Variants in FN1 observed in about 807,000 individuals in gnomAD.
FN1 encodes fibronectin 1.
Under a neutral mutation model 297.3 loss-of-function variants are expected in FN1, and 106 were observed. That is an observed-to-expected ratio of 0.36 (90% CI 0.30 to 0.42). The LOEUF (loss-of-function observed/expected upper bound fraction) is 0.42. Among genes scored for constraint, FN1 ranks in the 10% least tolerant of loss-of-function variants. The pLI, the probability that FN1 is intolerant of heterozygous loss-of-function variation, is 1.00. For missense variants in FN1, 2,690 were observed against 3,124.9 expected (o/e 0.86, Z 3.32); for synonymous variants, 1,149 against 1,152.6 (o/e 1.00, Z 0.06).
chr2:215,404,727 G>T, intron 19 of FN1, 72 bp from the exon 20 acceptor site: 2 of 1,375,270 alleles, frequency 1.5e-6, no homozygotes, highest in Non-Finnish European at 2.1e-6. Context: ...CCTGAAACTT[G>T]ATTGAATGTC....
At position 215,397,706 on chromosome 2, in the gene FN1, G is replaced by A. The variant is rs183891852; in HGVS notation, c.3491C>T (p.Ala1164Val). The change falls in exon 22 of 46, where the codon GCG (alanine) becomes GTG (valine). Residue 1164 changes from alanine (A) to valine (V), a missense_variant. By Grantham distance (64) the Ala-to-Val change is moderately conservative. This residue lies in a region of FN1 where 1,743 missense variants were observed against 1,945.2 expected (regional missense o/e 0.90). Transcript: ENST00000354785. ...QVLRDGQERD[A>V]PIVNKVVTPL... ...TGTCACCACTTTGTTTACAATTGGCGCATCTCTTTCCTGTCCATCTCTCAG... is the reference window on the plus strand; with the variant it reads ...TGTCACCACTTTGTTTACAATTGGCACATCTCTTTCCTGTCCATCTCTCAG... The A allele has an allele frequency of 6.6e-5, 106 of 1,613,996 alleles. 1 individual carries two copies. Among genetic ancestry groups the A allele is most frequent in the Non-Finnish European group, 3.9e-5 (46 of 1,179,900 alleles).
chr2:215,409,544 A>G lies in FN1; in HGVS notation c.2299+19T>C. ...CAGCAGCTGCCCTGAACCTGTCTTG[A>G]GCGACATATTGAGCTTACCCAGGTA... On this transcript the variant is annotated intron_variant, in intron 15 of 45. Coordinates refer to ENST00000354785, the MANE Select transcript of FN1 (RefSeq NM_212482.4). 1 of 1,611,366 alleles carries G rather than the reference A, an allele frequency of 6.2e-7. No homozygotes were observed. Among genetic ancestry groups the G allele is most frequent in the South Asian group, 1.1e-5 (1 of 90,994 alleles).
intron 12 of FN1, among the ~76,000 whole-genome samples, chr2:215,417,933 C>A (rs1355261217): frequency 2.0e-5 from 3 of 152,116 alleles, no homozygotes; most frequent in Admixed American, 2.0e-4. Context: ...AATTGCAACA[C>A]CAATAACAAT....
At chr2:215,370,537 AG>A in intron 40 of FN1, 105 bp from the exon 41 acceptor site, 5 of 653,152 alleles carry the variant, frequency 7.7e-6, no homozygotes, top group Admixed American at 6.6e-5. Context: ...AAGCAAAGGA[AG>A]ACAAAAAACA....
intron 44 of FN1, among the ~76,000 whole-genome samples, chr2:215,363,906 C>G (rs1020224546): frequency 1.3e-5 from 2 of 152,204 alleles, no homozygotes; most frequent in South Asian, 4.1e-4. Context: ...TAAGCCACTT[C>G]TTCCCATCTA....
At chr2:215,412,463 GTC>G (rs2062794247) in intron 13 of FN1, among the ~76,000 whole-genome samples, 1 of 152,050 alleles carries the variant, frequency 6.6e-6, no homozygotes, top group Non-Finnish European at 1.5e-5. Context: ...TTGACACAGG[GTC>G]TTTCTCTGTC....
Position 215,419,388 on chromosome 2 carries a change from A to G in FN1, c.1676-3T>C. 5 of 1,611,880 alleles carry G rather than the reference A, an allele frequency of 3.1e-6. No homozygotes were observed. Among genetic ancestry groups the G allele is most frequent in the Non-Finnish European group, 4.2e-6 (5 of 1,177,902 alleles). On this transcript the variant is annotated splice_region_variant and splice_polypyrimidine_tract_variant and intron_variant, in intron 11 of 45. Transcript: ENST00000354785. ...AGTCTCTGAATCCTGGCATTGGTCT[A>G]AAATACATGGAAGGAAAAGATAAAC...
intron 13 of FN1, among the ~76,000 whole-genome samples, chr2:215,412,812 A>G (rs764224027): frequency 1.7e-5 from 2 of 116,332 alleles, no homozygotes; most frequent in Admixed American, 9.3e-5. Context: ...CCATCTCTCA[A>G]TTCTCTATTT....
Position 215,391,803 on chromosome 2 carries a change from G to C in FN1, c.4081C>G (p.Pro1361Ala). ...TLTQQTAVPP[P>A]TDLRFTNIGP... ...ATGTTGGTGAATCGCAGGTCAGTGGGAGGAGGAACAGCTGGTTTCGAACAA... is the reference window on the plus strand; with the variant it reads ...ATGTTGGTGAATCGCAGGTCAGTGGCAGGAGGAACAGCTGGTTTCGAACAA... Residue 1361 changes from proline to alanine, a missense_variant, in exon 26 of 46, where the codon CCC becomes GCC. Pro to Ala is a conservative substitution (Grantham distance 27, BLOSUM62 -1). Transcript: ENST00000354785. 1 of 1,614,092 alleles carries C rather than the reference G, an allele frequency of 6.2e-7. No homozygotes were observed.
intron 41 of FN1, among the ~76,000 whole-genome samples, chr2:215,368,871 CT>C (rs1249983017): frequency 2.0e-5 from 3 of 152,138 alleles, no homozygotes; most frequent in African/African-American, 7.2e-5. Flanking sequence ...ACAAAGCATG[CT>C]TCAAATTATT....
At chr2:215,400,809 T>G (rs2060919748) in intron 20 of FN1, among the ~76,000 whole-genome samples, 1 of 151,256 alleles carries the variant, frequency 6.6e-6, no homozygotes, top group Non-Finnish European at 1.5e-5. Context: ...AACAATTTTT[T>G]TTTTGAGATG....
At chr2:215,392,802 C>T (rs774299355) in intron 25 of FN1, 129 bp downstream of exon 25, 49 of 1,015,388 alleles carry the variant, frequency 4.8e-5, no homozygotes, top group South Asian at 6.6e-5. Context: ...CTTATCCCCC[C>T]AATCCACCCT....
intron 27 of FN1, among the ~76,000 whole-genome samples, chr2:215,387,238 AGTTTCTGT>A (rs2059141018): frequency 6.6e-6 from 1 of 152,174 alleles, no homozygotes. Flanking sequence ...TATTACAGTA[AGTTTCTGT>A]GTCACATTTG....
At chr2:215,412,943 A>G (rs759552341) in intron 13 of FN1, among the ~76,000 whole-genome samples, 11 of 151,794 alleles carry the variant, frequency 7.2e-5, no homozygotes, top group Non-Finnish European at 1.2e-4. Context: ...ACATCTATAG[A>G]CCGATCGCAT....
intron 15 of FN1, 45 bp from the exon 16 acceptor site, chr2:215,408,471 C>A: frequency 1.3e-6 from 2 of 1,589,520 alleles, no homozygotes; most frequent in South Asian, 2.2e-5. Flanking sequence ...CAAACTAGTC[C>A]CTCAAATGAC....
Position 215,380,608 on chromosome 2 carries a change from C to T in FN1, c.5434+203G>A, listed in dbSNP as rs2058065799. On this transcript the variant is annotated intron_variant, in intron 33 of 45. Coordinates refer to ENST00000354785, the MANE Select transcript of FN1 (RefSeq NM_212482.4). ...GTCTTGTGTATAAGCCAGGATACTC[C>T]AAAATTTCTTTTAATCAGACTTGTT... The T allele has an allele frequency of 8.7e-6, 6 of 691,862 alleles. No individual in the cohort carries two copies. In the East Asian group the frequency reaches 1.6e-4, roughly 18 times the overall value. 42.9% of individuals were successfully genotyped at this position (691,862 alleles called of 1,614,324 possible). A position where few individuals can be genotyped will look rare whatever the true frequency, so the allele number is the denominator to read the frequency against.
intron 2 of FN1, 131 bp downstream of exon 2, chr2:215,434,565 A>G: frequency 8.8e-7 from 1 of 1,137,418 alleles, no homozygotes; most frequent in South Asian, 1.3e-5. Flanking sequence ...AGCAGTTTTT[A>G]AACTTAAGAG....
chr2:215,380,063 AAGAG>A (rs2057991592), intron 33 of FN1: 1 of 152,394 alleles, frequency 6.6e-6, no homozygotes, highest in African/African-American at 2.4e-5. Context: ...CCATCCAAAA[AAGAG>A]AGAATAATGT....
chr2:215,412,067 TAAG>T (rs2062729684), intron 13 of FN1, among the ~76,000 whole-genome samples: 1 of 152,138 alleles, frequency 6.6e-6, no homozygotes, highest in South Asian at 2.1e-4. Context: ...AATGATGTAA[TAAG>T]AAGATGAGAG....
Sources: gnomAD v4.1 joint callset for allele counts (sites outside exome capture counted in the v4.1 genomes callset) on GRCh38, gnomAD v4.1.1 for gene constraint, gnomAD v4.1.1 regional missense constraint, MANE v1.5 for transcripts, NCBI Gene and HGNC (gene_info 2026-07-23, HGNC 2026-07-21) for gene names.